Variants in ABCA7 observed in about 807,000 individuals in gnomAD.
ABCA7 encodes the protein ATP binding cassette subfamily A member 7.
ABCA7 carries 261 observed loss-of-function variants against 227.6 expected under a neutral mutation model. That is an observed-to-expected ratio of 1.15 (90% CI 1.04 to 1.27). The LOEUF (loss-of-function observed/expected upper bound fraction) is 1.27, where lower values mean the gene tolerates loss of function less well. Among genes scored for constraint, ABCA7 ranks in the 50% most tolerant of loss-of-function variants. The pLI, the probability that ABCA7 is intolerant of heterozygous loss-of-function variation, is 0.00. For synonymous variants in ABCA7, 1,488 were observed against 1,279.7 expected (o/e 1.16, Z -3.47); for missense variants, 3,331 against 2,924.5 (o/e 1.14, Z -3.21).
At chr19:1,046,580 T>A (rs1240126223) in intron 13 of ABCA7, among the ~76,000 whole-genome samples, 174 bp downstream of exon 13, 1 of 134,248 alleles carries the variant, frequency 7.4e-6, no homozygotes, top group East Asian at 2.2e-4. Context: ...GAGGGTCTGG[T>A]GGGGGGGGGG....
chr19:1,057,829 C>T, intron 35 of ABCA7, 86 bp from the exon 36 acceptor site: 1 of 1,503,538 alleles, frequency 6.7e-7, no homozygotes, highest in Non-Finnish European at 9.0e-7. Flanking sequence ...AGGTCTAAGG[C>T]AGAGAAGATG....
At position 1,045,174 on chromosome 19, in the gene ABCA7, G is replaced by T. The variant is rs3752233; in HGVS notation, c.1388G>T (p.Arg463Leu). The T allele has an allele frequency of 6.2e-6, 10 of 1,610,742 alleles. No individual in the cohort carries two copies. The highest frequency in any genetic ancestry group is 2.7e-5 in the African/African-American group (2 of 74,834). ...CCAGACCTGGGCCCCGGCCACGTGC[G>T]CATCAAAATCCGCATGGACATTGAC... ...PTPDLGPGHV[R>L]IKIRMDIDVV... The change falls in exon 12 of 47, where the codon CGC becomes CTC. Residue 463 changes from arginine (R) to leucine (L), a missense_variant. By Grantham distance (102) the Arg-to-Leu change is moderately radical (BLOSUM62 -2). Transcript: ENST00000263094.
chr19:1,043,850 G>C lies in ABCA7; in HGVS notation c.1047+9G>C. ...ATGTGGCCATGCTGCAGGTGTGCGG[G>C]GGTGCTGGGGAGGTGGGATGTGGCT... On this transcript the variant is annotated intron_variant, in intron 10 of 46. Transcript: ENST00000263094. The C allele has an allele frequency of 6.2e-7, 1 of 1,612,622 alleles. No individual in the cohort carries two copies. Among genetic ancestry groups the C allele is most frequent in the African/African-American group, 1.3e-5 (1 of 74,990 alleles).
chr19:1,062,502 C>T (rs2042727137), intron 42 of ABCA7, among the ~76,000 whole-genome samples, 189 bp downstream of exon 42: 1 of 152,072 alleles, frequency 6.6e-6, no homozygotes, highest in Non-Finnish European at 1.5e-5. Flanking sequence ...GCTAGCCCGC[C>T]TCTTTGCCCC....
rs1235968222 is a variant in ABCA7 at position 1,057,964 on chromosome 19, C to T, written c.4930C>T (p.Pro1644Ser). 2 of 1,613,910 alleles carry T rather than the reference C, an allele frequency of 1.2e-6. No homozygotes were observed. The highest frequency in any genetic ancestry group is 4.5e-5 in the East Asian group (2 of 44,886). The change falls in exon 36 of 47, where the codon CCC becomes TCC. Residue 1644 changes from proline to serine, a missense_variant. Pro to Ser is a moderately conservative substitution (Grantham distance 74). Coordinates refer to ENST00000263094, the MANE Select transcript of ABCA7 (RefSeq NM_019112.4). ...CCCAGCCTCCTTCTTCTTCTCCGTG[C>T]CCAGCACAGCCTATGTGGTGCTCAC... is the stretch of plus-strand genomic sequence containing the variant. ...MYPASFFFSV[P>S]STAYVVLTCI...
chr19:1,042,813 A>G lies in ABCA7; in HGVS notation c.566A>G (p.Asp189Gly). 6.2e-7 allele frequency: 1 copy of G among 1,607,832 alleles called. No homozygotes were observed. Among genetic ancestry groups the G allele is most frequent in the Non-Finnish European group, 8.5e-7 (1 of 1,178,026 alleles). The change falls in exon 7 of 47, where the codon GAC (aspartate) becomes GGC (glycine). Residue 189 changes from aspartate to glycine, a missense_variant. By Grantham distance (94) the Asp-to-Gly change is moderately conservative. Transcript: ENST00000263094. ...PLHSLLEAAE[D>G]LAQELLALRS... ...CACAGCTTGTTGGAGGCCGCTGAGGACCTGGCCCAGGAGGTACGAGGCCCC... is the reference window on the plus strand; with the variant it reads ...CACAGCTTGTTGGAGGCCGCTGAGGGCCTGGCCCAGGAGGTACGAGGCCCC...
At chr19:1,061,390 C>CA (rs978850571) in intron 40 of ABCA7, among the ~76,000 whole-genome samples, 2,593 of 36,540 alleles carry the variant, frequency 0.071, 236 homozygotes, top group African/African-American at 0.21. Context: ...GGCTCCGTCT[C>CA]AAAAAAAAAA....
Position 1,045,098 on chromosome 19 carries a change from G to A in ABCA7, c.1312G>A (p.Val438Ile), listed in dbSNP as rs1328759230. The A allele has an allele frequency of 1.9e-6, 3 of 1,612,808 alleles. No individual in the cohort carries two copies. The African/African-American group carries it at 4.0e-5, about 22-fold the overall frequency. The change falls in exon 12 of 47, where the codon GTC becomes ATC. Residue 438 changes from valine (V) to isoleucine (I), a missense_variant. Physicochemically the swap from Val to Ile is conservative, Grantham distance 29. Coordinates refer to ENST00000263094, the MANE Select transcript of ABCA7 (RefSeq NM_019112.4). The stretch of plus-strand genomic sequence containing the variant: ...CGCGGAACATCGATTCTGGGCCGGC[G>A]TCGTCTTCTTGGGACCTGAGGACTC... ...LLAEHRFWAG[V>I]VFLGPEDSSD...
In ABCA7 at chr19:1,061,776, C is replaced by G; in HGVS notation, c.5464-6C>G. 6.2e-7 allele frequency: 1 copy of G among 1,612,638 alleles called. No homozygotes were observed. Among genetic ancestry groups the G allele is most frequent in the Non-Finnish European group, 8.5e-7 (1 of 1,179,402 alleles). On this transcript the variant is annotated splice_polypyrimidine_tract_variant and splice_region_variant and intron_variant, in intron 40 of 46. Transcript: ENST00000263094. ...CACTGAGCACCATCTGTGGGCATCC[C>G]TGTAGTGTTTTGGGCTGCTGGGTGT... is the stretch of plus-strand genomic sequence containing the variant.
rs1405164708 is a variant in ABCA7 at position 1,055,096 on chromosome 19, G to A, written c.3951-1G>A. ...GAGTGTGCACAGCCCATTGTCTGCA[G>A]GTTCTCGGCACCAGAAGTTCCTGCT... On this transcript the variant is annotated splice_acceptor_variant, in intron 29 of 46. Coordinates refer to ENST00000263094, the MANE Select transcript of ABCA7 (RefSeq NM_019112.4). LOFTEE classifies it high-confidence loss of function. 3.7e-6 allele frequency: 6 copies of A among 1,611,002 alleles called. No homozygotes were observed. The Admixed American group carries it at 8.4e-5, about 22-fold the overall frequency.
Position 1,047,229 on chromosome 19 carries a change from G to T in ABCA7, c.1918G>T (p.Val640Leu). 1 of 1,608,528 alleles carries T rather than the reference G, an allele frequency of 6.2e-7. No homozygotes were observed. Residue 640 changes from valine (V) to leucine (L), a missense_variant, in exon 15 of 47, where the codon GTG (valine) becomes TTG (leucine). Coordinates refer to ENST00000263094, the MANE Select transcript of ABCA7 (RefSeq NM_019112.4). ...LFLAAFAVAT[V>L]TQSFLLSAFF... ...CTTGGCAGCCTTCGCGGTGGCCACG[G>T]TGACCCAGAGCTTCCTGCTCAGCGC...
rs1293654779 is a variant in ABCA7 at position 1,041,400 on chromosome 19, G to A, written c.39G>A (p.Lys13=). Residue 13 remains lysine, a synonymous_variant, in exon 2 of 47, where the codon AAG becomes AAA. Coordinates refer to ENST00000263094, the MANE Select transcript of ABCA7 (RefSeq NM_019112.4). ...FWTQLMLLLW[K]NFMYRRRQPV... ...CACAGCTGATGCTGCTGCTCTGGAA[G>A]AATTTCATGTATCGCCGGAGACAGC... The A allele has an allele frequency of 6.2e-7, 1 of 1,613,944 alleles. No individual in the cohort carries two copies. The highest frequency in any genetic ancestry group is 8.5e-7 in the Non-Finnish European group (1 of 1,180,036).
At chr19:1,064,579 A>T in intron 45 of ABCA7, 1 of 444,526 alleles carries the variant, frequency 2.2e-6, no homozygotes, top group Non-Finnish European at 4.0e-6. Context: ...GGGCGGGGCC[A>T]TAGGAAAGTG....
At chr19:1,057,854 T>C in intron 35 of ABCA7, 61 bp from the exon 36 acceptor site, 3 of 1,578,090 alleles carry the variant, frequency 1.9e-6, no homozygotes, top group Non-Finnish European at 2.6e-6. Flanking sequence ...TGGAGATTTT[T>C]ATTCCTCTCA....
chr19:1,062,187 C>A lies in ABCA7; in HGVS notation c.5586C>A (p.Pro1862=). 1 of 1,612,234 alleles carries A rather than the reference C, an allele frequency of 6.2e-7. No individual in the cohort carries two copies. The highest frequency in any genetic ancestry group is 8.5e-7 in the Non-Finnish European group (1 of 1,179,650). The change falls in exon 42 of 47, where the codon CCC becomes CCA. Residue 1862 remains proline (P), a synonymous_variant. Transcript: ENST00000263094. ...CCATCCCCAGCGTGGCCCGGGAACC[C>A]AGTGCTGCGCACCTCAGCATGGGAT... ...VLAGHSVARE[P]SAAHLSMGYC...
At chr19:1,059,664 C>T (rs1438220999) in intron 40 of ABCA7, among the ~76,000 whole-genome samples, 2 of 149,624 alleles carry the variant, frequency 1.3e-5, no homozygotes, top group South Asian at 2.1e-4. Context: ...CCCGGGTTCA[C>T]ACCATTTTCC....
intron 34 of ABCA7, 31 bp downstream of exon 34, chr19:1,057,115 C>A: frequency 6.3e-7 from 1 of 1,598,464 alleles, no homozygotes; most frequent in Non-Finnish European, 8.5e-7. Context: ...GGTGGGGGCC[C>A]AGCCACTGCT....
chr19:1,055,253 C>T lies in ABCA7; in HGVS notation c.4107C>T (p.Pro1369=). 1 of 1,603,910 alleles carries T rather than the reference C, an allele frequency of 6.2e-7. No homozygotes were observed. Among genetic ancestry groups the T allele is most frequent in the South Asian group, 1.1e-5 (1 of 90,010 alleles). Reference sequence around the variant, plus strand: ...CTGCAGCTGGTGGTCCCCCTCCGCCCCAGGCAGTGACCGGCTCTGGGGAAG... The same window carrying T: ...CTGCAGCTGGTGGTCCCCCTCCGCCTCAGGCAGTGACCGGCTCTGGGGAAG... The part of the protein sequence containing the change: ...CPAAAGGPPP[P]QAVTGSGEVV... The change falls in exon 30 of 47, where the codon CCC becomes CCT. Residue 1369 remains proline, a synonymous_variant. Coordinates refer to ENST00000263094, the MANE Select transcript of ABCA7 (RefSeq NM_019112.4).
Position 1,042,790 on chromosome 19 carries a change from C to G in ABCA7, c.543C>G (p.His181Gln), listed in dbSNP as rs762458275. 169 of 1,612,828 alleles carry G rather than the reference C, an allele frequency of 1.0e-4. 1 individual carries two copies. The South Asian group carries it at 1.5e-3, about 14-fold the overall frequency. The change falls in exon 7 of 47, where the codon CAC becomes CAG. Residue 181 changes from histidine (H) to glutamine (Q), a missense_variant. Physicochemically the swap from His to Gln is conservative, Grantham distance 24. Coordinates refer to ENST00000263094, the MANE Select transcript of ABCA7 (RefSeq NM_019112.4). Reference protein sequence around the residue: ...LALGQAQEPLHSLLEAAEDLA... With the variant: ...LALGQAQEPLQSLLEAAEDLA... ...TGGGCCAAGCCCAGGAGCCCTTGCA[C>G]AGCTTGTTGGAGGCCGCTGAGGACC...
Sources: gnomAD v4.1 joint callset for allele counts (sites outside exome capture counted in the v4.1 genomes callset) on GRCh38, gnomAD v4.1.1 for gene constraint, MANE v1.5 for transcripts, NCBI Gene and HGNC (gene_info 2026-07-23, HGNC 2026-07-21) for gene names.